The following MTNR1A variants were observed in gnomAD, a reference collection of about 807,000 sequenced individuals.
The protein encoded by MTNR1A is melatonin receptor 1A, also known as melatonin receptor type 1A.
Under a neutral mutation model 5.5 loss-of-function variants are expected in MTNR1A, and 7 were observed. The ratio of observed to expected loss-of-function variants is 1.28; its 90% CI spans 0.73 to 2.40. The LOEUF (loss-of-function observed/expected upper bound fraction) is 2.40. MTNR1A is among the 30% of genes most tolerant of loss of function. The pLI is 0.00. For synonymous variants in MTNR1A, 196 were observed against 202.7 expected (o/e 0.97, Z 0.28); for missense variants, 441 against 464.4 (o/e 0.95, Z 0.46).
rs924286854 is a variant in MTNR1A at position 186,555,031 on chromosome 4, G to A, written c.184+151C>T. 2.9e-5 allele frequency: 26 copies of A among 885,558 alleles called. No homozygotes were observed. Among genetic ancestry groups the A allele is most frequent in the Admixed American group, 4.5e-5 (2 of 44,404 alleles). The allele number at this position is 885,558 out of a possible 1,614,324, so 54.9% of individuals were successfully genotyped here. ...CCTTATGAAAAGGCACTTTCAACGGGCAGGCTGGAGAAGAGTCCTCTCTAA... is the reference window on the plus strand; with the variant it reads ...CCTTATGAAAAGGCACTTTCAACGGACAGGCTGGAGAAGAGTCCTCTCTAA... On this transcript the variant is annotated intron_variant, in intron 1 of 1. Transcript: ENST00000307161. The surrounding 1 kb of genome is among the most constrained non-coding windows in gnomAD (Gnocchi z 4.1).
At chr4:186,543,578 T>C (rs772056259) in intron 1 of MTNR1A, among the ~76,000 whole-genome samples, 1 of 152,246 alleles carries the variant, frequency 6.6e-6, no homozygotes, top group Non-Finnish European at 1.5e-5. Context: ...TCTTTCCCTC[T>C]GCTATTCCCC....
At chr4:186,551,911 CAT>C (rs1431037145) in intron 1 of MTNR1A, among the ~76,000 whole-genome samples, 1 of 152,184 alleles carries the variant, frequency 6.6e-6, no homozygotes, top group Non-Finnish European at 1.5e-5. Context: ...TTTTTAAAAA[CAT>C]ATACTGACAA....
At chr4:186,553,355 A>C (rs1027352007) in intron 1 of MTNR1A, among the ~76,000 whole-genome samples, 56 of 152,344 alleles carry the variant, frequency 3.7e-4, no homozygotes, top group South Asian at 2.1e-4. Flanking sequence ...TGTGCGGATT[A>C]AAGGTCACTA....
At chr4:186,543,879 T>A (rs1737080581) in intron 1 of MTNR1A, among the ~76,000 whole-genome samples, 6 of 152,222 alleles carry the variant, frequency 3.9e-5, no homozygotes. Context: ...GTTGAATTAG[T>A]ATTGTGTCAA....
At chr4:186,548,810 G>GACATAT (rs1553981673) in intron 1 of MTNR1A, among the ~76,000 whole-genome samples, 1 of 54,592 alleles carries the variant, frequency 1.8e-5, no homozygotes, top group Non-Finnish European at 3.4e-5. Context: ...AATCTATAAA[G>GACATAT]ATATATATAT....
At chr4:186,541,745 AT>A (rs1452176971) in intron 1 of MTNR1A, among the ~76,000 whole-genome samples, 1 of 152,196 alleles carries the variant, frequency 6.6e-6, no homozygotes, top group African/African-American at 2.4e-5. Context: ...CTAATGCCTG[AT>A]GATTTGAGGT....
chr4:186,536,437 GGGTGC>G (rs1736853164), intron 1 of MTNR1A, among the ~76,000 whole-genome samples: 2 of 152,140 alleles, frequency 1.3e-5, no homozygotes, highest in Admixed American at 6.5e-5. Flanking sequence ...GTGAGGAAAG[GGGTGC>G]GCTGGACAGG....
Position 186,547,109 on chromosome 4 carries a change from GGGACACACCGTCCTCACACCCTGTTCC to G in MTNR1A, c.184+8046_184+8072del, listed in dbSNP as rs1285636206. Among the ~76,000 whole-genome samples the G allele has an allele frequency of 1.4e-3, 52 of 37,304 alleles. 11 individuals carry two copies. The highest frequency in any genetic ancestry group is 2.3e-3 in the Non-Finnish European group (43 of 18,882). 24.5% of individuals were successfully genotyped at this position (37,304 alleles called of 152,430 possible). A position where few individuals can be genotyped will look rare whatever the true frequency, so the allele number is the denominator to read the frequency against. ...CACACCGTCCTCACACCCTGTTCCT[GGGACACACCGTCCTCACACCCTGTTCC>G]TGGGACACACCGTCCTCCTCACACC... On this transcript the variant is annotated intron_variant, in intron 1 of 1. Transcript: ENST00000307161.
intron 1 of MTNR1A, among the ~76,000 whole-genome samples, chr4:186,538,049 A>G (rs1432006352): frequency 1.3e-5 from 2 of 152,230 alleles, no homozygotes; most frequent in Non-Finnish European, 2.9e-5. Context: ...GACAACTAAA[A>G]TGTCAGCTTG....
chr4:186,551,072 C>T (rs1244346895), intron 1 of MTNR1A, among the ~76,000 whole-genome samples: 2 of 152,178 alleles, frequency 1.3e-5, no homozygotes, highest in Non-Finnish European at 2.9e-5. Context: ...AGAAACCTCT[C>T]GGCTTGGAGA....
chr4:186,534,007 G>A lies in MTNR1A; in HGVS notation c.735C>T (p.Val245=), dbSNP rs1326748884. Residue 245 remains valine, a synonymous_variant, in exon 2 of 2, where the codon GTC becomes GTT. Coordinates refer to ENST00000307161, the MANE Select transcript of MTNR1A (RefSeq NM_005958.4). The part of the protein sequence containing the change: ...RNFVTMFVVF[V]LFAICWAPLN... ...GAGGAGCCCAGCAAATGGCAAAAAG[G>A]ACAAAAACCACAAACATGGTGACAA... The A allele has an allele frequency of 1.9e-6, 3 of 1,614,080 alleles. No homozygotes were observed.
chr4:186,542,195 A>G (rs1737039849), intron 1 of MTNR1A, among the ~76,000 whole-genome samples: 1 of 152,194 alleles, frequency 6.6e-6, no homozygotes, highest in Admixed American at 6.5e-5. Context: ...TTCCCTGGGA[A>G]AATCAGCCAG....
intron 1 of MTNR1A, among the ~76,000 whole-genome samples, chr4:186,543,960 A>G (rs11730400): frequency 0.51 from 76,879 of 151,992 alleles, 19,914 homozygotes; most frequent in Non-Finnish European, 0.56. Flanking sequence ...CTCACCCACA[A>G]AAGAATTTTG....
At chr4:186,536,339 T>G (rs1397977477) in intron 1 of MTNR1A, among the ~76,000 whole-genome samples, 2 of 141,326 alleles carry the variant, frequency 1.4e-5, no homozygotes, top group Non-Finnish European at 3.1e-5. Context: ...AGAGCAAAAC[T>G]CCGTATCAAA....
chr4:186,554,697 C>T (rs894290912), intron 1 of MTNR1A, among the ~76,000 whole-genome samples: 1 of 152,230 alleles, frequency 6.6e-6, no homozygotes, highest in Non-Finnish European at 1.5e-5. Context: ...CGTTTGGGAG[C>T]CTCTCTTTCC....
Position 186,555,382 on chromosome 4 carries a change from C to T in MTNR1A, c.-17G>A. The T allele has an allele frequency of 3.5e-6, 5 of 1,414,814 alleles. No homozygotes were observed. The highest frequency in any genetic ancestry group is 4.6e-6 in the Non-Finnish European group (5 of 1,081,838). 87.6% of individuals were successfully genotyped at this position (1,414,814 alleles called of 1,614,324 possible). A position where few individuals can be genotyped will look rare whatever the true frequency, so the allele number is the denominator to read the frequency against. On this transcript the variant is annotated 5_prime_UTR_variant, in exon 1 of 2. Coordinates refer to ENST00000307161, the MANE Select transcript of MTNR1A (RefSeq NM_005958.4). This position sits in a 1 kb window ranked among gnomAD's most constrained non-coding sequence, Gnocchi z 4.1. ...GCCCTGCATGGTCCCTGTGCGCGTC[C>T]CGGCCGCGGGGCCATCGCCCGCCTC...
rs1368026387 is a variant in MTNR1A at position 186,533,733 on chromosome 4, G to C, written c.1009C>G (p.Pro337Ala). 1.2e-6 allele frequency: 2 copies of C among 1,614,154 alleles called. No individual in the cohort carries two copies. The highest frequency in any genetic ancestry group is 3.3e-5 in the Admixed American group (2 of 60,012). ...ACTACATTATTGTTGGTCATCAGTG[G>C]AGACGGTTTCCATTTAACCCTATCG... ...VADRVKWKPSPLMTNNNVVKV... is the reference protein window; with the variant it reads ...VADRVKWKPSALMTNNNVVKV... Residue 337 changes from proline to alanine, a missense_variant, in exon 2 of 2, where the codon CCA (proline) becomes GCA (alanine). Physicochemically the swap from Pro to Ala is conservative, Grantham distance 27 (BLOSUM62 -1). Transcript: ENST00000307161.
At position 186,546,369 on chromosome 4, in the gene MTNR1A, C is replaced by A. The variant is rs556771202; in HGVS notation, c.184+8813G>T. ...CCGTCGGCCTCACTGCTCCCCTCCC[C>A]CTTCCACACACGGCTCTCCACAGCA... is the stretch of plus-strand genomic sequence containing the variant. On this transcript the variant is annotated intron_variant, in intron 1 of 1. Transcript: ENST00000307161. Among the ~76,000 whole-genome samples the A allele has an allele frequency of 2.6e-3, 388 of 152,092 alleles. 3 individuals are homozygous for A. Among genetic ancestry groups the A allele is most frequent in the African/African-American group, 8.5e-3 (354 of 41,458 alleles).
At position 186,534,261 on chromosome 4, in the gene MTNR1A, G is replaced by C. The variant is rs149110401; in HGVS notation, c.481C>G (p.Pro161Ala). Reference sequence around the variant, plus strand: ...TGGAGAGTCCCTGCACGGAGGTTGGGCAGGACGGCCGCCAGCGTCAGGAGC... The same window carrying C: ...TGGAGAGTCCCTGCACGGAGGTTGGCCAGGACGGCCGCCAGCGTCAGGAGC... ...IWLLTLAAVLPNLRAGTLQYD... is the reference protein window; with the variant it reads ...IWLLTLAAVLANLRAGTLQYD... Residue 161 changes from proline (P) to alanine (A), a missense_variant, in exon 2 of 2, where the codon CCC becomes GCC. By Grantham distance (27) the Pro-to-Ala change is conservative. Transcript: ENST00000307161. 6.8e-6 allele frequency: 11 copies of C among 1,614,054 alleles called. No homozygotes were observed. In the African/African-American group the frequency reaches 1.3e-4, roughly 20 times the overall value.
Sources: allele counts gnomAD v4.1 joint callset (sites outside exome capture counted in the v4.1 genomes callset), GRCh38; gene constraint gnomAD v4.1.1; non-coding constraint Gnocchi (gnomAD v3.1); transcripts MANE v1.5; gene names NCBI Gene and HGNC (gene_info 2026-07-23, HGNC 2026-07-21).